PDZD2: variants seen among roughly 807,000 people sequenced by gnomAD.
The protein encoded by PDZD2 is PDZ domain containing 2.
In PDZD2, 90 loss-of-function variants were observed where a neutral mutation model predicts 220.7. That is an observed-to-expected ratio of 0.41 (90% CI 0.34 to 0.49). The LOEUF (loss-of-function observed/expected upper bound fraction) is 0.49, where lower values mean the gene tolerates loss of function less well. Ranked by LOEUF, PDZD2 falls within the 20% of genes least tolerant of loss-of-function variation. The pLI, the probability that PDZD2 is intolerant of heterozygous loss-of-function variation, is 0.28. For synonymous variants in PDZD2, 1,375 were observed against 1,450.5 expected (o/e 0.95, Z 1.18); for missense variants, 3,174 against 3,608.5 (o/e 0.88, Z 3.08).
rs550178147 is a variant in PDZD2 at position 32,062,358 on chromosome 5, A to T, written c.2451+1224A>T. 2.0e-5 allele frequency among the ~76,000 whole-genome samples: 3 copies of T among 151,970 alleles called. No homozygotes were observed. The South Asian group carries it at 6.2e-4, about 32-fold the overall frequency. ...AAGTTTATGCAAAATTATGAAGGATACTATTTTTCTGATAGATCAAGTCCT... is the reference window on the plus strand; with the variant it reads ...AAGTTTATGCAAAATTATGAAGGATTCTATTTTTCTGATAGATCAAGTCCT... On this transcript the variant is annotated intron_variant, in intron 14 of 24. Coordinates refer to ENST00000438447, the MANE Select transcript of PDZD2 (RefSeq NM_178140.4).
chr5:32,017,412 C>T (rs1238237812), intron 6 of PDZD2, among the ~76,000 whole-genome samples: 1 of 151,148 alleles, frequency 6.6e-6, no homozygotes, highest in South Asian at 2.1e-4. Flanking sequence ...TGCACTCCAG[C>T]CTGAGTGACA....
intron 2 of PDZD2, among the ~76,000 whole-genome samples, chr5:31,982,315 T>G (rs1246187965): frequency 6.6e-6 from 1 of 152,214 alleles, no homozygotes; most frequent in African/African-American, 2.4e-5. Flanking sequence ...TTGTTTTGTT[T>G]TGTGTTTTTG....
intron 5 of PDZD2, among the ~76,000 whole-genome samples, chr5:32,003,322 CA>C (rs1406599033): frequency 1.3e-3 from 56 of 42,546 alleles, no homozygotes; most frequent in Non-Finnish European, 2.5e-3. Context: ...ACACCCCACA[CA>C]CACACCCCCA....
At chr5:32,024,958 G>A (rs1754515749) in intron 6 of PDZD2, among the ~76,000 whole-genome samples, 1 of 152,216 alleles carries the variant, frequency 6.6e-6, no homozygotes, top group Non-Finnish European at 1.5e-5. Flanking sequence ...TGGCCCCCAG[G>A]CATGTTGGCT....
rs150611862 is a variant in PDZD2 at position 32,073,902 on chromosome 5, C to T, written c.2796C>T (p.Leu932=). ...VTLGSHRASG[L]FHKQVTVARQ... ...TTGGGAGCCATCGGGCTTCTGGGCT[C>T]TTCCACAAGCAGGTGACAGTTGCCA... The change falls in exon 18 of 25, where the codon CTC becomes CTT. Residue 932 remains leucine (L), a synonymous_variant. Transcript: ENST00000438447. 1.5e-5 allele frequency: 25 copies of T among 1,614,000 alleles called. No homozygotes were observed. Among genetic ancestry groups the T allele is most frequent in the East Asian group, 4.5e-5 (2 of 44,890 alleles).
intron 23 of PDZD2, chr5:32,100,192 CCTT>C (rs1744126359): frequency 6.5e-6 from 1 of 153,876 alleles, no homozygotes; most frequent in African/African-American, 2.4e-5. Context: ...TGTGGAGTGG[CCTT>C]CTTTAAACCA....
At chr5:32,055,485 C>T (rs535688622) in intron 10 of PDZD2, among the ~76,000 whole-genome samples, 46 of 152,326 alleles carry the variant, frequency 3.0e-4, no homozygotes, top group Admixed American at 9.8e-4. Flanking sequence ...GCCTAAGCTA[C>T]AGCACCTAGC....
At position 31,880,008 on chromosome 5, in the gene PDZD2, G is replaced by T. The variant is rs935957606; in HGVS notation, c.476+80284G>T. Among the ~76,000 whole-genome samples, 3 of 149,542 alleles carry T rather than the reference G, an allele frequency of 2.0e-5. No homozygotes were observed. In the East Asian group the frequency reaches 5.9e-4, roughly 30 times the overall value. On this transcript the variant is annotated intron_variant, in intron 2 of 24. Coordinates refer to ENST00000438447, the MANE Select transcript of PDZD2 (RefSeq NM_178140.4). ...AGCTCACCACAACCTCCGCCTCCCA[G>T]GTTCAAGCAATTCTCCTGCCTCAGC...
rs938937108 is a variant in PDZD2, at chr5:31,646,764, G to A, written c.-361+7327G>A. Reference sequence around the variant, plus strand: ...CCACTCAGCATACAAAATTGGCATAGCTTTCCTCCACAGTTTGCCACTGCC... The same window carrying A: ...CCACTCAGCATACAAAATTGGCATAACTTTCCTCCACAGTTTGCCACTGCC... On this transcript the variant is annotated intron_variant, in intron 1 of 24. Coordinates refer to ENST00000438447, the MANE Select transcript of PDZD2 (RefSeq NM_178140.4). The surrounding 1 kb of genome is among the most constrained non-coding windows in gnomAD (Gnocchi z 4.7). 1.3e-5 allele frequency among the ~76,000 whole-genome samples: 2 copies of A among 152,152 alleles called. No homozygotes were observed. The highest frequency in any genetic ancestry group is 4.8e-5 in the African/African-American group (2 of 41,438).
At chr5:31,997,180 C>T (rs545796124) in intron 4 of PDZD2, among the ~76,000 whole-genome samples, 115 of 152,218 alleles carry the variant, frequency 7.6e-4, no homozygotes, top group Non-Finnish European at 1.1e-3. Flanking sequence ...TTATCTAGTC[C>T]GGAACTTGGT....
chr5:31,708,614 G>A (rs1261305535), intron 1 of PDZD2, among the ~76,000 whole-genome samples: 1 of 152,084 alleles, frequency 6.6e-6, no homozygotes, highest in Non-Finnish European at 1.5e-5. Context: ...TGTAAAGTTG[G>A]GCCACCATGT....
Position 32,074,368 on chromosome 5 carries a change from G to T in PDZD2, c.3262G>T (p.Glu1088Ter). 2 of 1,614,174 alleles carry T rather than the reference G, an allele frequency of 1.2e-6. No individual in the cohort carries two copies. Among genetic ancestry groups the T allele is most frequent in the Non-Finnish European group, 1.7e-6 (2 of 1,180,028 alleles). ...LSGSSSAPKL[E>*]YTVRTDTQSP... ...AGGATCAAGTAGCGCACCCAAATTG[G>T]AATACACAGTCCGTACAGACACCCA... is the stretch of plus-strand genomic sequence containing the variant. The change falls in exon 18 of 25, where the codon GAA becomes TAA. Residue 1088 changes from glutamate to a stop codon, truncating the protein, a stop_gained. Transcript: ENST00000438447. LOFTEE classifies it high-confidence loss of function.
chr5:31,786,114 C>T (rs972462193), intron 1 of PDZD2, among the ~76,000 whole-genome samples: 3 of 152,172 alleles, frequency 2.0e-5, no homozygotes, highest in Non-Finnish European at 4.4e-5. Flanking sequence ...AGGCCTTTCC[C>T]ACAGCAAGGC....
chr5:31,953,832 A>ACAAAAT (rs1265473071), intron 2 of PDZD2, among the ~76,000 whole-genome samples: 1 of 151,996 alleles, frequency 6.6e-6, no homozygotes, highest in Non-Finnish European at 1.5e-5. Flanking sequence ...TTGTATTTTT[A>ACAAAAT]GTAGAGATGG....
chr5:32,031,176 A>G (rs1300615519), intron 6 of PDZD2, among the ~76,000 whole-genome samples: 1 of 152,100 alleles, frequency 6.6e-6, no homozygotes, highest in Non-Finnish European at 1.5e-5. Flanking sequence ...ATAACGTAGC[A>G]TCTCCCTACT....
intron 1 of PDZD2, among the ~76,000 whole-genome samples, chr5:31,767,552 C>T (rs1752099931): frequency 6.6e-6 from 1 of 152,200 alleles, no homozygotes; most frequent in African/African-American, 2.4e-5. Flanking sequence ...ATGTTTCAAA[C>T]CAGATGACTC....
chr5:31,928,562 G>A (rs1300515113), intron 2 of PDZD2, among the ~76,000 whole-genome samples: 2 of 151,676 alleles, frequency 1.3e-5, no homozygotes, highest in Non-Finnish European at 2.9e-5. Flanking sequence ...TGCAACCTCC[G>A]CCTCCCAGGT....
At chr5:32,034,859 T>C (rs1266206100) in intron 6 of PDZD2, among the ~76,000 whole-genome samples, 1 of 152,218 alleles carries the variant, frequency 6.6e-6, no homozygotes, top group Non-Finnish European at 1.5e-5. Context: ...TCTGTGTACA[T>C]ATTGATGTCA....
At chr5:31,982,544 G>A (rs186913493) in intron 2 of PDZD2, among the ~76,000 whole-genome samples, 105 of 152,294 alleles carry the variant, frequency 6.9e-4, no homozygotes, top group Middle Eastern at 6.8e-3. Flanking sequence ...CTGGACTCAA[G>A]TGGTCTGCCC....
Sources: gnomAD v4.1 joint callset for allele counts (sites outside exome capture counted in the v4.1 genomes callset) on GRCh38, gnomAD v4.1.1 for gene constraint, Gnocchi (gnomAD v3.1) non-coding constraint, MANE v1.5 for transcripts, NCBI Gene and HGNC (gene_info 2026-07-23, HGNC 2026-07-21) for gene names.